Variants in PALM2AKAP2 observed in about 807,000 individuals in gnomAD.
PALM2AKAP2 encodes PALM2 and AKAP2 fusion.
A neutral mutation model predicts 71.5 loss-of-function variants in PALM2AKAP2; 37 were observed. That is an observed-to-expected ratio of 0.52 (90% CI 0.40 to 0.68). PALM2AKAP2 has a LOEUF of 0.68. Ranked by LOEUF, PALM2AKAP2 falls within the 30% of genes least tolerant of loss-of-function variation. The probability of loss-of-function intolerance (pLI) is 0.00; values close to 1 mark genes in which losing one functional copy is unlikely to be tolerated. For missense variants in PALM2AKAP2, 1,224 were observed against 1,191.8 expected, an observed-to-expected ratio of 1.03 and a Z score of -0.40; for synonymous variants, 468 against 478.8, an observed-to-expected ratio of 0.98 and a Z score of 0.29.
At chr9:109,913,715 G>T (rs1484733122) in intron 3 of PALM2AKAP2, among the ~76,000 whole-genome samples, 1 of 151,482 alleles carries the variant, frequency 6.6e-6, no homozygotes, top group Non-Finnish European at 1.5e-5. Flanking sequence ...GCAAGGAACA[G>T]AGACCCACAA....
intron 6 of PALM2AKAP2, among the ~76,000 whole-genome samples, chr9:110,014,747 T>C (rs1486047679): frequency 8.1e-6 from 1 of 124,206 alleles, no homozygotes; most frequent in Non-Finnish European, 1.6e-5. Context: ...CATTCCAGCC[T>C]GGGCGACAGA....
At chr9:110,003,848 C>A (rs1460112734) in intron 6 of PALM2AKAP2, among the ~76,000 whole-genome samples, 8 of 152,256 alleles carry the variant, frequency 5.3e-5, no homozygotes, top group African/African-American at 1.9e-4. Flanking sequence ...ACTAGGATTG[C>A]AACCCCTGCC....
intron 1 of PALM2AKAP2, among the ~76,000 whole-genome samples, chr9:109,764,345 G>A (rs1587898916): frequency 2.0e-5 from 3 of 151,242 alleles, no homozygotes; most frequent in African/African-American, 7.3e-5. Context: ...AAAACAGGGT[G>A]TCTCCCAGAA....
chr9:109,984,069 T>C (rs968139883), intron 6 of PALM2AKAP2, among the ~76,000 whole-genome samples: 2 of 152,230 alleles, frequency 1.3e-5, no homozygotes, highest in Non-Finnish European at 2.9e-5. Context: ...ACCTAATGTG[T>C]ATACGACTTC....
At chr9:109,923,944 G>A in intron 4 of PALM2AKAP2, 95 bp downstream of exon 4, 1 of 1,281,848 alleles carries the variant, frequency 7.8e-7, no homozygotes, top group South Asian at 1.6e-5. Context: ...AGTGGGCATT[G>A]ATGAGAAATC....
chr9:109,786,831 G>C (rs77680519), intron 1 of PALM2AKAP2, among the ~76,000 whole-genome samples: 2,358 of 152,300 alleles, frequency 0.015, 67 homozygotes, highest in African/African-American at 0.054. Context: ...AAAGCTAAGT[G>C]AGGGGGGTTG....
intron 1 of PALM2AKAP2, among the ~76,000 whole-genome samples, chr9:109,854,679 T>C (rs969294675): frequency 2.0e-5 from 3 of 152,048 alleles, no homozygotes; most frequent in Non-Finnish European, 4.4e-5. Flanking sequence ...TTTATATGCA[T>C]GTGCGTACAC....
At chr9:110,109,434 G>A (rs1316472434) in intron 1 of PALM2AKAP2, among the ~76,000 whole-genome samples, 2 of 151,434 alleles carry the variant, frequency 1.3e-5, no homozygotes, top group East Asian at 1.9e-4. Flanking sequence ...TTCAGGGTGC[G>A]GTATTTGGAG....
intron 1 of PALM2AKAP2, among the ~76,000 whole-genome samples, chr9:109,843,594 A>T (rs537798809): frequency 2.0e-5 from 3 of 152,166 alleles, no homozygotes; most frequent in East Asian, 3.9e-4. Flanking sequence ...TTTGAAGACC[A>T]CTCTGCATAA....
intron 1 of PALM2AKAP2, among the ~76,000 whole-genome samples, chr9:109,701,774 C>T (rs140089343): frequency 0.042 from 6,449 of 152,184 alleles, 181 homozygotes; most frequent in Non-Finnish European, 0.053. Flanking sequence ...AGCTTCTGCA[C>T]GGCAAAAGAA....
intron 2 of PALM2AKAP2, among the ~76,000 whole-genome samples, chr9:110,148,989 G>A (rs957135822): frequency 1.3e-5 from 2 of 152,154 alleles, no homozygotes; most frequent in African/African-American, 4.8e-5. Context: ...CCTTTTCTCG[G>A]GTTCTTTGGG....
intron 5 of PALM2AKAP2, among the ~76,000 whole-genome samples, chr9:109,927,063 A>T (rs752354318): frequency 1.2e-4 from 19 of 152,192 alleles, no homozygotes; most frequent in Non-Finnish European, 2.4e-4. Context: ...CAAAAGTCTT[A>T]GGGATCTCAT....
chr9:109,744,202 T>C (rs1828762810), intron 1 of PALM2AKAP2, among the ~76,000 whole-genome samples: 1 of 152,164 alleles, frequency 6.6e-6, no homozygotes, highest in East Asian at 1.9e-4. Flanking sequence ...GAAAAAGCTA[T>C]CCATGTGATA....
intron 6 of PALM2AKAP2, 103 bp downstream of exon 6, chr9:109,932,131 G>A: frequency 8.1e-7 from 1 of 1,236,060 alleles, no homozygotes; most frequent in Non-Finnish European, 1.1e-6. Context: ...CATAGGGGGA[G>A]CTCACCTTCA....
chr9:109,891,318 T>C (rs541595951), intron 3 of PALM2AKAP2, among the ~76,000 whole-genome samples: 24 of 152,328 alleles, frequency 1.6e-4, no homozygotes, highest in African/African-American at 4.6e-4. Flanking sequence ...TGTACAAGCA[T>C]GCACCATGGC....
intron 2 of PALM2AKAP2, among the ~76,000 whole-genome samples, chr9:109,868,649 A>G (rs1233322127): frequency 6.6e-6 from 1 of 152,252 alleles, no homozygotes; most frequent in Non-Finnish European, 1.5e-5. Context: ...CGAGTTACTG[A>G]TTGAAAATAG....
intron 1 of PALM2AKAP2, among the ~76,000 whole-genome samples, chr9:110,112,567 C>T (rs1835275890): frequency 6.6e-6 from 1 of 152,226 alleles, no homozygotes; most frequent in African/African-American, 2.4e-5. Context: ...CCAGCTAAGC[C>T]AGCAAGCACA....
chr9:110,048,931 G>A (rs963340399), intron 1 of PALM2AKAP2: 1 of 1,408,216 alleles, frequency 7.1e-7, no homozygotes. Flanking sequence ...GGAAGGGGTT[G>A]CCGAGGAAGG....
chr9:110,020,697 A>G (rs1166051611), intron 7 of PALM2AKAP2, among the ~76,000 whole-genome samples: 3 of 152,086 alleles, frequency 2.0e-5, no homozygotes, highest in East Asian at 1.9e-4. Flanking sequence ...ACAAAAAACA[A>G]AAAAACCCTC....
Sources: allele counts gnomAD v4.1 joint callset (sites outside exome capture counted in the v4.1 genomes callset), GRCh38; gene constraint gnomAD v4.1.1; transcripts MANE v1.5; gene names NCBI Gene and HGNC (gene_info 2026-07-23, HGNC 2026-07-21).